Variants in SPDL1 observed in about 807,000 individuals in gnomAD.
SPDL1 encodes the protein protein Spindly.
A neutral mutation model predicts 79.5 loss-of-function variants in SPDL1; 85 were observed. The observed-to-expected ratio is 1.07, with a 90% confidence interval of 0.90 to 1.28. The LOEUF is 1.28. Among genes scored for constraint, SPDL1 ranks in the 50% most tolerant of loss-of-function variants. The pLI is 0.00. For missense variants in SPDL1, 703 were observed against 697.8 expected (o/e 1.01, Z -0.08); for synonymous variants, 269 against 240.3 (o/e 1.12, Z -1.10).
At chr5:169,600,284 G>C (rs377190934) in intron 10 of SPDL1, among the ~76,000 whole-genome samples, 1 of 152,172 alleles carries the variant, frequency 6.6e-6, no homozygotes, top group African/African-American at 2.4e-5. Context: ...ATTTTAAAAG[G>C]CTTCTCTTGC....
chr5:169,603,958 T>G (rs1225655609), intron 11 of SPDL1, 102 bp from the exon 12 acceptor site: 2 of 1,325,674 alleles, frequency 1.5e-6, no homozygotes, highest in African/African-American at 3.0e-5. Context: ...TTTTTTTTCC[T>G]TGAATACCAT....
At position 169,598,480 on chromosome 5, in the gene SPDL1, T is replaced by A; in HGVS notation, c.1037T>A (p.Leu346Ter). ...EIRNLEKFKN[L>*]YDSMESKPSV... The stretch of plus-strand genomic sequence containing the variant: ...ACAAACTTTTGCTTTTTTAAGAATT[T>A]ATATGACAGTATGGAATCTAAGCCT... Residue 346 changes from leucine to a stop codon, truncating the protein, a stop_gained, in exon 9 of 12, where the codon TTA becomes TAA. Coordinates refer to ENST00000265295, the MANE Select transcript of SPDL1 (RefSeq NM_017785.5). LOFTEE classifies it high-confidence loss of function. 6.2e-7 allele frequency: 1 copy of A among 1,608,090 alleles called. No homozygotes were observed. The highest frequency in any genetic ancestry group is 8.5e-7 in the Non-Finnish European group (1 of 1,175,182).
chr5:169,598,553 A>G lies in SPDL1; in HGVS notation c.1110A>G (p.Leu370=), dbSNP rs775704965. 3.7e-6 allele frequency: 6 copies of G among 1,612,402 alleles called. No homozygotes were observed. The highest frequency in any genetic ancestry group is 5.1e-6 in the Non-Finnish European group (6 of 1,178,578). The change falls in exon 9 of 12, where the codon TTA becomes TTG. Residue 370 remains leucine, a synonymous_variant. Coordinates refer to ENST00000265295, the MANE Select transcript of SPDL1 (RefSeq NM_017785.5). The stretch of plus-strand genomic sequence containing the variant: ...AAGATAACACCTATTATACAGATTT[A>G]CTTCAGATGAAGCTGGATAACTTAA... ...TLEDNTYYTD[L]LQMKLDNLNK...
intron 2 of SPDL1, among the ~76,000 whole-genome samples, chr5:169,589,161 T>G (rs897906170): frequency 6.6e-6 from 1 of 152,156 alleles, no homozygotes; most frequent in Non-Finnish European, 1.5e-5. Flanking sequence ...CTTCCCTTTA[T>G]TTCTCACATT....
intron 4 of SPDL1, 138 bp downstream of exon 4, chr5:169,593,686 A>G: frequency 1.3e-6 from 1 of 791,386 alleles, no homozygotes; most frequent in Non-Finnish European, 1.9e-6. Flanking sequence ...AACTAATTAA[A>G]AAATGGGTTT....
Position 169,598,514 on chromosome 5 carries a change from C to T in SPDL1, c.1071C>T (p.Asp357=). 1 of 1,613,230 alleles carries T rather than the reference C, an allele frequency of 6.2e-7. No homozygotes were observed. Among genetic ancestry groups the T allele is most frequent in the South Asian group, 1.1e-5 (1 of 91,052 alleles). The change falls in exon 9 of 12, where the codon GAC becomes GAT. Residue 357 remains aspartate, a synonymous_variant. Coordinates refer to ENST00000265295, the MANE Select transcript of SPDL1 (RefSeq NM_017785.5). Reference sequence around the variant, plus strand: ...GTATGGAATCTAAGCCTTCAGTCGACTCTGGTACTCTGGAAGATAACACCT... The same window carrying T: ...GTATGGAATCTAAGCCTTCAGTCGATTCTGGTACTCTGGAAGATAACACCT... ...YDSMESKPSV[D]SGTLEDNTYY...
At chr5:169,594,736 A>G in intron 7 of SPDL1, 55 bp downstream of exon 7, 2 of 1,153,550 alleles carry the variant, frequency 1.7e-6, no homozygotes, top group South Asian at 1.3e-5. Context: ...TCAGCATTAC[A>G]TGTATGAATA....
At chr5:169,599,364 G>C (rs565236200) in intron 10 of SPDL1, among the ~76,000 whole-genome samples, 1 of 152,258 alleles carries the variant, frequency 6.6e-6, no homozygotes, top group African/African-American at 2.4e-5. Context: ...AATATAACAT[G>C]TATCCTTTTT....
intron 8 of SPDL1, 62 bp from the exon 9 acceptor site, chr5:169,598,414 T>A: frequency 9.3e-7 from 1 of 1,069,590 alleles, no homozygotes. Context: ...CTATTATTAA[T>A]AAACATACAC....
rs770598611 is a variant in SPDL1 at position 169,604,247 on chromosome 5, A to G, written c.*40A>G. 4.7e-5 allele frequency: 70 copies of G among 1,497,344 alleles called. 1 individual carries two copies. In the South Asian group the frequency reaches 5.6e-4, roughly 12 times the overall value. The allele number at this position is 1,497,344 out of a possible 1,614,324, so 92.8% of individuals were successfully genotyped here. On this transcript the variant is annotated 3_prime_UTR_variant, in exon 12 of 12. Transcript: ENST00000265295. The stretch of plus-strand genomic sequence containing the variant: ...TAAGAGTACGGTGCCACTTGCCTCA[A>G]AAGTTACTATGGTGCTTAAGATTGT...
chr5:169,604,321 G>A lies in SPDL1; in HGVS notation c.*114G>A. ...CTGGGTTATTTACTCATTGTGCCAG[G>A]ACCTGGCATTTTCATGTGCCTTTGA... is the stretch of plus-strand genomic sequence containing the variant. On this transcript the variant is annotated 3_prime_UTR_variant, in exon 12 of 12. Transcript: ENST00000265295. 1 of 1,109,296 alleles carries A rather than the reference G, an allele frequency of 9.0e-7. No individual in the cohort carries two copies. Among genetic ancestry groups the A allele is most frequent in the Non-Finnish European group, 1.2e-6 (1 of 821,724 alleles). The allele number at this position is 1,109,296 out of a possible 1,614,324, so 68.7% of individuals were successfully genotyped here. A position where few individuals can be genotyped will look rare whatever the true frequency, so the allele number is the denominator to read the frequency against.
intron 11 of SPDL1, among the ~76,000 whole-genome samples, chr5:169,602,381 G>A (rs1451132091): frequency 6.6e-6 from 1 of 152,176 alleles, no homozygotes; most frequent in Non-Finnish European, 1.5e-5. Context: ...AAAGAAAGAT[G>A]AAGGATGTCT....
In SPDL1 at chr5:169,591,894, A is replaced by G. The variant is rs189647361; in HGVS notation, c.336+670A>G. Among the ~76,000 whole-genome samples, 13 of 152,350 alleles carry G rather than the reference A, an allele frequency of 8.5e-5. No homozygotes were observed. In the South Asian group the frequency reaches 1.7e-3, roughly 19 times the overall value. On this transcript the variant is annotated intron_variant, in intron 3 of 11. Coordinates refer to ENST00000265295, the MANE Select transcript of SPDL1 (RefSeq NM_017785.5). ...GCTCCATTTCAAACATAAACGCAAG[A>G]TAAATGATTGGTCAGTGGTTTTCCC...
rs545786688 is a variant in SPDL1, at chr5:169,603,748, G to A, written c.1671-312G>A. Reference sequence around the variant, plus strand: ...GCGCACCTATAGTCCCAGCTACTCCGGTGGCTGAGGCAGGAGAATCGCTTG... The same window carrying A: ...GCGCACCTATAGTCCCAGCTACTCCAGTGGCTGAGGCAGGAGAATCGCTTG... On this transcript the variant is annotated intron_variant, in intron 11 of 11. Coordinates refer to ENST00000265295, the MANE Select transcript of SPDL1 (RefSeq NM_017785.5). Among the ~76,000 whole-genome samples the A allele has an allele frequency of 9.7e-4, 147 of 152,180 alleles. 1 individual carries two copies. Among genetic ancestry groups the A allele is most frequent in the South Asian group, 5.4e-3 (26 of 4,822 alleles).
At chr5:169,594,754 G>C in intron 7 of SPDL1, 73 bp downstream of exon 7, 1 of 945,136 alleles carries the variant, frequency 1.1e-6, no homozygotes, top group Non-Finnish European at 1.6e-6. Flanking sequence ...ATACATCAAA[G>C]AAACTAGCTT....
chr5:169,604,326 G>T lies in SPDL1; in HGVS notation c.*119G>T. ...TTATTTACTCATTGTGCCAGGACCT[G>T]GCATTTTCATGTGCCTTTGACCAAG... On this transcript the variant is annotated 3_prime_UTR_variant, in exon 12 of 12. Coordinates refer to ENST00000265295, the MANE Select transcript of SPDL1 (RefSeq NM_017785.5). The T allele has an allele frequency of 9.3e-7, 1 of 1,071,086 alleles. No individual in the cohort carries two copies. The highest frequency in any genetic ancestry group is 1.3e-6 in the Non-Finnish European group (1 of 789,252). 66.3% of individuals were successfully genotyped at this position (1,071,086 alleles called of 1,614,324 possible).
At chr5:169,584,349 T>A (rs1754866978) in intron 1 of SPDL1, among the ~76,000 whole-genome samples, 1 of 152,268 alleles carries the variant, frequency 6.6e-6, no homozygotes, top group Admixed American at 6.5e-5. Flanking sequence ...GTTTACTTTT[T>A]AAATCATGAT....
intron 3 of SPDL1, among the ~76,000 whole-genome samples, 179 bp downstream of exon 3, chr5:169,591,403 G>T (rs1755279484): frequency 6.6e-6 from 1 of 152,188 alleles, no homozygotes; most frequent in Non-Finnish European, 1.5e-5. Context: ...TAAGGGACTT[G>T]TATAAATTAT....
At chr5:169,597,067 T>TA (rs1268885754) in intron 8 of SPDL1, among the ~76,000 whole-genome samples, 1 of 152,222 alleles carries the variant, frequency 6.6e-6, no homozygotes, top group African/African-American at 2.4e-5. Context: ...TTTACTCTGA[T>TA]ACTCAAATTG....
Sources: gnomAD v4.1 joint callset for allele counts (sites outside exome capture counted in the v4.1 genomes callset) on GRCh38, gnomAD v4.1.1 for gene constraint, MANE v1.5 for transcripts, NCBI Gene and HGNC (gene_info 2026-07-23, HGNC 2026-07-21) for gene names.